CD247: variants seen among roughly 807,000 people sequenced by gnomAD.
The protein encoded by CD247 is CD247 molecule, also known as T-cell surface glycoprotein CD3 zeta chain.
In CD247, 13 loss-of-function variants were observed where a neutral mutation model predicts 30.0. The ratio of observed to expected loss-of-function variants is 0.43; its 90% CI spans 0.28 to 0.69. The LOEUF (loss-of-function observed/expected upper bound fraction) is 0.69, where lower values mean the gene tolerates loss of function less well. Among genes scored for constraint, CD247 ranks in the 30% least tolerant of loss-of-function variants. The pLI, the probability that CD247 is intolerant of heterozygous loss-of-function variation, is 0.16. For synonymous variants in CD247, 72 were observed against 80.0 expected, an observed-to-expected ratio of 0.90 and a Z score of 0.53; for missense variants, 193 against 212.6, an observed-to-expected ratio of 0.91 and a Z score of 0.57.
chr1:167,469,162 T>C (rs934429218), intron 1 of CD247, among the ~76,000 whole-genome samples: 4 of 152,160 alleles, frequency 2.6e-5, no homozygotes, highest in African/African-American at 7.2e-5. Context: ...TTTGTATTTT[T>C]AGTAGAGACA....
chr1:167,515,110 C>T (rs1418410806), intron 1 of CD247, among the ~76,000 whole-genome samples: 1 of 152,158 alleles, frequency 6.6e-6, no homozygotes, highest in African/African-American at 2.4e-5. Context: ...AATGAAATAG[C>T]TCATTTGGAT....
At chr1:167,449,149 C>CTTTTTTTT (rs71097676) in intron 1 of CD247, among the ~76,000 whole-genome samples, 78 of 66,408 alleles carry the variant, frequency 1.2e-3, no homozygotes, top group Non-Finnish European at 1.5e-3. Flanking sequence ...TTTTTCTTTT[C>CTTTTTTTT]TTTTTTTTTT....
intron 1 of CD247, among the ~76,000 whole-genome samples, chr1:167,490,703 C>T (rs1159896359): frequency 6.6e-6 from 1 of 152,076 alleles, no homozygotes; most frequent in Non-Finnish European, 1.5e-5. Flanking sequence ...GAGGCTGAGA[C>T]GGGCAGATCA....
Position 167,430,914 on chromosome 1 carries a change from C to T in CD247, c.*767G>A, listed in dbSNP as rs1651231399. The T allele has an allele frequency of 5.0e-6, 2 of 398,830 alleles. No homozygotes were observed. Among genetic ancestry groups the T allele is most frequent in the South Asian group, 1.3e-4 (1 of 7,860 alleles). The allele number at this position is 398,830 out of a possible 1,614,324, so 24.7% of individuals were successfully genotyped here. A position where few individuals can be genotyped will look rare whatever the true frequency, so the allele number is the denominator to read the frequency against. On this transcript the variant is annotated 3_prime_UTR_variant, in exon 8 of 8. Coordinates refer to ENST00000362089, the MANE Select transcript of CD247 (RefSeq NM_198053.3). ...AAAGCGTGAAGTGAATCAACGGCCT[C>T]CTCTTGCTCCGCAGCACTTTATTCA... is the stretch of plus-strand genomic sequence containing the variant.
At chr1:167,436,024 T>C (rs964098008) in intron 4 of CD247, among the ~76,000 whole-genome samples, 1 of 152,214 alleles carries the variant, frequency 6.6e-6, no homozygotes, top group Non-Finnish European at 1.5e-5. Flanking sequence ...GCACTGCCCT[T>C]ACACCAGGAC....
At chr1:167,465,072 C>T (rs550896726) in intron 1 of CD247, among the ~76,000 whole-genome samples, 1 of 152,222 alleles carries the variant, frequency 6.6e-6, no homozygotes, top group African/African-American at 2.4e-5. Context: ...CCCTCCAATA[C>T]TCAATCTTCC....
Position 167,434,082 on chromosome 1 carries a change from G to A in CD247, c.337-6C>T. 1 of 1,613,766 alleles carries A rather than the reference G, an allele frequency of 6.2e-7. No homozygotes were observed. The highest frequency in any genetic ancestry group is 8.5e-7 in the Non-Finnish European group (1 of 1,179,598). On this transcript the variant is annotated splice_polypyrimidine_tract_variant and splice_region_variant and intron_variant, in intron 5 of 7. Coordinates refer to ENST00000362089, the MANE Select transcript of CD247 (RefSeq NM_198053.3). ...ATCTTATCTTTCTGCAGTTCCTGCA[G>A]AAGAGGGCGTGGAACACTGATTTTT...
intron 1 of CD247, 89 bp from the exon 2 acceptor site, chr1:167,440,856 C>A: frequency 2.6e-6 from 2 of 780,156 alleles, no homozygotes; most frequent in Non-Finnish European, 4.4e-6. Context: ...ACTGACTGAC[C>A]AAATAAATCA....
chr1:167,490,006 C>T (rs186416316), intron 1 of CD247, among the ~76,000 whole-genome samples: 7 of 149,724 alleles, frequency 4.7e-5, no homozygotes, highest in African/African-American at 1.7e-4. Context: ...GCTGCCTGTG[C>T]CCCCCCACCA....
intron 4 of CD247, 48 bp downstream of exon 4, chr1:167,438,522 G>GC: frequency 6.9e-7 from 1 of 1,452,930 alleles, no homozygotes; most frequent in South Asian, 1.1e-5. Context: ...CCTGGGCTGA[G>GC]CCCCACCACA....
chr1:167,474,217 G>T (rs906907007), intron 1 of CD247, among the ~76,000 whole-genome samples: 1 of 152,064 alleles, frequency 6.6e-6, no homozygotes. Context: ...TGGGGGTGGG[G>T]CTGGGAAGGG....
chr1:167,450,098 C>G (rs907476075), intron 1 of CD247, among the ~76,000 whole-genome samples: 1 of 152,160 alleles, frequency 6.6e-6, no homozygotes, highest in East Asian at 1.9e-4. Flanking sequence ...AACCATTCCC[C>G]ATTGGTGCTC....
At position 167,477,208 on chromosome 1, in the gene CD247, C is replaced by T. The variant is rs35274751; in HGVS notation, c.59-36441G>A. Among the ~76,000 whole-genome samples, 8 of 152,310 alleles carry T rather than the reference C, an allele frequency of 5.3e-5. No homozygotes were observed. In the East Asian group the frequency reaches 1.5e-3, roughly 29 times the overall value. On this transcript the variant is annotated intron_variant, in intron 1 of 7. Coordinates refer to ENST00000362089, the MANE Select transcript of CD247 (RefSeq NM_198053.3). ...AATATGAAATTATCAGGTTACTCTC[C>T]CTCCTCTATCAGGACCCTTAGAGAA...
intron 1 of CD247, among the ~76,000 whole-genome samples, chr1:167,452,744 A>T (rs1652414256): frequency 6.6e-6 from 1 of 152,058 alleles, no homozygotes; most frequent in Non-Finnish European, 1.5e-5. Flanking sequence ...GTAAACAATG[A>T]CAGGCAAGTG....
At position 167,470,136 on chromosome 1, in the gene CD247, A is replaced by T. The variant is rs149846258; in HGVS notation, c.59-29369T>A. On this transcript the variant is annotated intron_variant, in intron 1 of 7. Transcript: ENST00000362089. ...ACCATGTTGGCCAGGTTGGTCTTGAACTCCTGACCTCAGGTGATCCACCCA... is the reference window on the plus strand; with the variant it reads ...ACCATGTTGGCCAGGTTGGTCTTGATCTCCTGACCTCAGGTGATCCACCCA... Among the ~76,000 whole-genome samples the T allele has an allele frequency of 2.0e-3, 297 of 151,066 alleles. 2 individuals are homozygous for T. The highest frequency in any genetic ancestry group is 6.8e-3 in the African/African-American group (279 of 41,078).
intron 1 of CD247, among the ~76,000 whole-genome samples, chr1:167,485,613 G>T (rs1654171583): frequency 6.6e-6 from 1 of 152,112 alleles, no homozygotes; most frequent in African/African-American, 2.4e-5. Flanking sequence ...CCTTTTGTCA[G>T]CATGCTGGCT....
intron 7 of CD247, 31 bp downstream of exon 7, chr1:167,432,993 C>G: frequency 6.2e-7 from 1 of 1,613,424 alleles, no homozygotes; most frequent in Non-Finnish European, 8.5e-7. Context: ...GGTGGTGCCC[C>G]TTCCACTGAA....
At position 167,505,452 on chromosome 1, in the gene CD247, T is replaced by A. The variant is rs1003643585; in HGVS notation, c.58+12956A>T. 2.0e-5 allele frequency among the ~76,000 whole-genome samples: 3 copies of A among 152,384 alleles called. No homozygotes were observed. The East Asian group carries it at 5.8e-4, about 29-fold the overall frequency. On this transcript the variant is annotated intron_variant, in intron 1 of 7. Coordinates refer to ENST00000362089, the MANE Select transcript of CD247 (RefSeq NM_198053.3). ...GTGTTTGCATGTATGTGTGTGTCTA[T>A]AGCTTTCTTGCTGCCTGCCTGCCTG...
intron 1 of CD247, among the ~76,000 whole-genome samples, chr1:167,508,086 C>G (rs1051687740): frequency 2.0e-5 from 3 of 152,156 alleles, no homozygotes; most frequent in Non-Finnish European, 4.4e-5. Flanking sequence ...CAAAATCTTA[C>G]CCTCCGTGTC....
Sources: gnomAD v4.1 joint callset for allele counts (sites outside exome capture counted in the v4.1 genomes callset) on GRCh38, gnomAD v4.1.1 for gene constraint, MANE v1.5 for transcripts, NCBI Gene and HGNC (gene_info 2026-07-23, HGNC 2026-07-21) for gene names.